GNAL: variants seen among roughly 807,000 people sequenced by gnomAD.
The protein encoded by GNAL is guanine nucleotide-binding protein G(olf) subunit alpha.
In GNAL, 18 loss-of-function variants were observed where a neutral mutation model predicts 55.1. That is an observed-to-expected ratio of 0.33 (90% CI 0.23 to 0.48). The LOEUF is 0.48. Ranked by LOEUF, GNAL falls within the 20% of genes least tolerant of loss-of-function variation. The probability of loss-of-function intolerance (pLI) is 0.99; values close to 1 mark genes in which losing one functional copy is unlikely to be tolerated. For synonymous variants in GNAL, 253 were observed against 237.0 expected, an observed-to-expected ratio of 1.07 and a Z score of -0.62; for missense variants, 412 against 614.1, an observed-to-expected ratio of 0.67 and a Z score of 3.48.
intron 11 of GNAL, among the ~76,000 whole-genome samples, chr18:11,880,414 C>CA: frequency 6.6e-6 from 1 of 151,858 alleles, no homozygotes; most frequent in Middle Eastern, 3.4e-3. Context: ...ACTAAAAATA[C>CA]AAAAATTAGC....
At chr18:11,717,003 G>A (rs544116157) in intron 1 of GNAL, among the ~76,000 whole-genome samples, 1 of 152,232 alleles carries the variant, frequency 6.6e-6, no homozygotes, top group Non-Finnish European at 1.5e-5. Flanking sequence ...AGGGGGCGGC[G>A]CTGGTCAGGG....
chr18:11,702,867 C>T (rs1188705458), intron 1 of GNAL, among the ~76,000 whole-genome samples: 1 of 151,778 alleles, frequency 6.6e-6, no homozygotes, highest in Non-Finnish European at 1.5e-5. Context: ...CCTGCAATCC[C>T]AACACTTTGG....
chr18:11,884,595 G>C lies in GNAL; in HGVS notation c.*3460G>C. The C allele has an allele frequency of 6.2e-7, 1 of 1,613,914 alleles. No individual in the cohort carries two copies. Among genetic ancestry groups the C allele is most frequent in the Non-Finnish European group, 8.5e-7 (1 of 1,180,032 alleles). ...CATCCTCACGTGGGAGGTAGCACTT[G>C]GAGAGGGTGTAGTCTGTGGGCGTGA... On this transcript the variant is annotated 3_prime_UTR_variant, in exon 12 of 12. Transcript: ENST00000334049.
intron 1 of GNAL, among the ~76,000 whole-genome samples, chr18:11,744,643 C>T (rs577840285): frequency 1.3e-5 from 2 of 152,234 alleles, no homozygotes; most frequent in Non-Finnish European, 2.9e-5. Flanking sequence ...TTGCAACTCT[C>T]GGGCTATAGC....
chr18:11,764,026 A>G (rs2033327218), intron 4 of GNAL, among the ~76,000 whole-genome samples: 1 of 152,228 alleles, frequency 6.6e-6, no homozygotes, highest in African/African-American at 2.4e-5. Flanking sequence ...CTGCTTCTAT[A>G]TAGATGCCCT....
At chr18:11,771,231 AG>A (rs370226072) in intron 4 of GNAL, among the ~76,000 whole-genome samples, 2 of 151,348 alleles carry the variant, frequency 1.3e-5, no homozygotes, top group East Asian at 1.9e-4. Context: ...AAAAAAAAAA[AG>A]AAAAAAAGAG....
chr18:11,757,925 T>C (rs1568013324), intron 4 of GNAL, among the ~76,000 whole-genome samples: 1 of 151,368 alleles, frequency 6.6e-6, no homozygotes, highest in Non-Finnish European at 1.5e-5. Flanking sequence ...GAGGAGAGAA[T>C]GTGATGTGAG....
intron 1 of GNAL, among the ~76,000 whole-genome samples, chr18:11,730,385 C>G (rs1312461873): frequency 6.6e-6 from 1 of 151,710 alleles, no homozygotes; most frequent in African/African-American, 2.4e-5. Flanking sequence ...GTCTCGAACT[C>G]CTGATCTCAG....
chr18:11,872,143 C>G lies in GNAL; in HGVS notation c.1032-125C>G, dbSNP rs2071138. The G allele has an allele frequency of 0.18, 114,360 of 643,212 alleles. 10,869 individuals are homozygous for G. The highest frequency in any genetic ancestry group is 0.2 in the Non-Finnish European group (73,066 of 373,116). The allele number at this position is 643,212 out of a possible 1,614,324, so 39.8% of individuals were successfully genotyped here. On this transcript the variant is annotated intron_variant, in intron 9 of 11. Coordinates refer to ENST00000334049, the MANE Select transcript of GNAL (RefSeq NM_182978.4). ...GGAATGAGGATACTGGTGTACTGAACTTTCTTGAATCCTATACATTTTTAG... is the reference window on the plus strand; with the variant it reads ...GGAATGAGGATACTGGTGTACTGAAGTTTCTTGAATCCTATACATTTTTAG...
chr18:11,852,005 A>G (rs774638280), intron 5 of GNAL: 1 of 1,613,702 alleles, frequency 6.2e-7, no homozygotes, highest in South Asian at 1.1e-5. Context: ...CTCGACCTCA[A>G]CATGGAGCTG....
At chr18:11,857,618 A>G in intron 5 of GNAL, 5 of 985,494 alleles carry the variant, frequency 5.1e-6, no homozygotes, top group Non-Finnish European at 6.0e-6. Flanking sequence ...CTCTTGGATG[A>G]CGAGTCACCA....
intron 10 of GNAL, among the ~76,000 whole-genome samples, chr18:11,873,509 T>C (rs962295901): frequency 6.6e-6 from 1 of 152,224 alleles, no homozygotes; most frequent in Non-Finnish European, 1.5e-5. Flanking sequence ...GCTCTGCCTG[T>C]GGTCTCACCA....
At chr18:11,754,852 A>G (rs2032988299) in intron 4 of GNAL, among the ~76,000 whole-genome samples, 2 of 152,232 alleles carry the variant, frequency 1.3e-5, no homozygotes, top group African/African-American at 2.4e-5. Context: ...AGTGACATCA[A>G]TCTTAGTTTT....
At chr18:11,846,738 GT>G (rs1164018200) in intron 5 of GNAL, among the ~76,000 whole-genome samples, 2 of 151,634 alleles carry the variant, frequency 1.3e-5, no homozygotes, top group East Asian at 3.9e-4. Flanking sequence ...TGTTGTTGTT[GT>G]TTTTGAGACA....
intron 5 of GNAL, among the ~76,000 whole-genome samples, chr18:11,838,539 C>G (rs1296341076): frequency 6.6e-6 from 1 of 152,170 alleles, no homozygotes; most frequent in African/African-American, 2.4e-5. Flanking sequence ...AATCAAGACT[C>G]CCTGTTGCAA....
In GNAL at chr18:11,882,973, T is replaced by C. The variant is rs2036745508; in HGVS notation, c.*1838T>C. 1 of 152,164 alleles carries C rather than the reference T, an allele frequency of 6.6e-6. No individual in the cohort carries two copies. Among genetic ancestry groups the C allele is most frequent in the African/African-American group, 2.4e-5 (1 of 41,452 alleles). The allele number at this position is 152,164 out of a possible 1,614,324, so 9.4% of individuals were successfully genotyped here. A position where few individuals can be genotyped will look rare whatever the true frequency, so the allele number is the denominator to read the frequency against. On this transcript the variant is annotated 3_prime_UTR_variant, in exon 12 of 12. Transcript: ENST00000334049. ...GGTAGTTTTTGTAGGTCTAAAATAATAATCTATAAAGATGTCCAAAGTTAA... is the reference window on the plus strand; with the variant it reads ...GGTAGTTTTTGTAGGTCTAAAATAACAATCTATAAAGATGTCCAAAGTTAA...
chr18:11,791,749 T>C (rs548521277), intron 4 of GNAL, among the ~76,000 whole-genome samples: 42 of 152,308 alleles, frequency 2.8e-4, no homozygotes, highest in Admixed American at 7.8e-4. Context: ...TTCTGCTTCA[T>C]TGGGTTTCAT....
Position 11,884,309 on chromosome 18 carries a change from C to T in GNAL, c.*3174C>T, listed in dbSNP as rs2036854645. The T allele has an allele frequency of 1.3e-6, 1 of 796,632 alleles. No individual in the cohort carries two copies. Among genetic ancestry groups the T allele is most frequent in the East Asian group, 2.5e-5 (1 of 40,792 alleles). 49.3% of individuals were successfully genotyped at this position (796,632 alleles called of 1,614,324 possible). On this transcript the variant is annotated 3_prime_UTR_variant, in exon 12 of 12. Transcript: ENST00000334049. ...ATCAACTATTTATTTTGCAGTTACTCATTTCAGTGATTGAGAATTTCTGTG... is the reference window on the plus strand; with the variant it reads ...ATCAACTATTTATTTTGCAGTTACTTATTTCAGTGATTGAGAATTTCTGTG...
chr18:11,714,888 C>T (rs2031917628), intron 1 of GNAL, among the ~76,000 whole-genome samples: 1 of 152,146 alleles, frequency 6.6e-6, no homozygotes, highest in Non-Finnish European at 1.5e-5. Flanking sequence ...TGGCGGTTCA[C>T]ACCAGCACTT....
Sources: gnomAD v4.1 joint callset for allele counts (sites outside exome capture counted in the v4.1 genomes callset) on GRCh38, gnomAD v4.1.1 for gene constraint, MANE v1.5 for transcripts, NCBI Gene and HGNC (gene_info 2026-07-23, HGNC 2026-07-21) for gene names.